DUOX1: variants seen among roughly 807,000 people sequenced by gnomAD.
DUOX1 encodes the protein NADPH thyroid oxidase 1.
A neutral mutation model predicts 181.8 loss-of-function variants in DUOX1; 134 were observed. The observed-to-expected ratio is 0.74, with a 90% CI of 0.64 to 0.85. DUOX1 has a LOEUF of 0.85. Ranked by LOEUF, DUOX1 falls within the 40% of genes least tolerant of loss-of-function variation. The pLI is 0.00. For synonymous variants in DUOX1, 798 were observed against 832.5 expected (o/e 0.96, Z 0.71); for missense variants, 1,814 against 2,064.4 (o/e 0.88, Z 2.35).
intron 28 of DUOX1, among the ~76,000 whole-genome samples, chr15:45,159,156 A>G (rs1385506055): frequency 2.0e-5 from 3 of 152,348 alleles, no homozygotes; most frequent in African/African-American, 4.8e-5. Flanking sequence ...GCAGATGGCC[A>G]TAGGGCATTA....
rs1195503804 is a variant in DUOX1 at position 45,136,333 on chromosome 15, C to G, written c.865-17C>G. On this transcript the variant is annotated splice_polypyrimidine_tract_variant and intron_variant, in intron 7 of 33. Transcript: ENST00000389037. ...CCATCCAACTCGTGCCTCCCCTCGC[C>G]CCTCTCTGCCCCTCAGAACATCGCT... 6.2e-7 allele frequency: 1 copy of G among 1,613,108 alleles called. No individual in the cohort carries two copies. Among genetic ancestry groups the G allele is most frequent in the Admixed American group, 1.7e-5 (1 of 60,022 alleles).
At chr15:45,132,408 G>A (rs1394690027) in intron 2 of DUOX1, among the ~76,000 whole-genome samples, 1 of 152,202 alleles carries the variant, frequency 6.6e-6, no homozygotes, top group Non-Finnish European at 1.5e-5. Flanking sequence ...TGGACCCAAA[G>A]CTGAAGGGGA....
At chr15:45,142,793 G>GAAGGAAGGA (rs1896540354) in intron 15 of DUOX1, among the ~76,000 whole-genome samples, 2 of 143,844 alleles carry the variant, frequency 1.4e-5, no homozygotes, top group Non-Finnish European at 3.0e-5. Flanking sequence ...GGAAGGGAGG[G>GAAGGAAGGA]AGGAAGGGAG....
intron 12 of DUOX1, chr15:45,140,131 G>T: frequency 9.5e-7 from 1 of 1,049,492 alleles, no homozygotes; most frequent in Non-Finnish European, 1.4e-6. Context: ...GCTGAACAGG[G>T]GTCCTGTTCA....
intron 23 of DUOX1, 64 bp from the exon 24 acceptor site, chr15:45,151,810 G>T: frequency 6.5e-7 from 1 of 1,540,518 alleles, no homozygotes; most frequent in Non-Finnish European, 8.8e-7. Flanking sequence ...CCTCCGTGAA[G>T]TGGGGCCCCA....
chr15:45,164,418 G>C (rs969058590), intron 33 of DUOX1, among the ~76,000 whole-genome samples: 3 of 151,126 alleles, frequency 2.0e-5, no homozygotes, highest in Non-Finnish European at 2.9e-5. Context: ...CACTGAGCCA[G>C]CCCTCACCAT....
chr15:45,134,797 C>T (rs1290653186), intron 4 of DUOX1, among the ~76,000 whole-genome samples: 1 of 152,126 alleles, frequency 6.6e-6, no homozygotes, highest in African/African-American at 2.4e-5. Context: ...ATCAGGAATG[C>T]CTGGCTCCTG....
At chr15:45,147,683 G>A (rs1399319547) in intron 19 of DUOX1, 25 bp downstream of exon 19, 2 of 1,613,330 alleles carry the variant, frequency 1.2e-6, no homozygotes, top group African/African-American at 1.3e-5. Context: ...AATGATAGGA[G>A]AGGCTGGACA....
At position 45,131,977 on chromosome 15, in the gene DUOX1, G is replaced by A; in HGVS notation, c.11G>A (p.Cys4Tyr). 1 of 1,614,068 alleles carries A rather than the reference G, an allele frequency of 6.2e-7. No homozygotes were observed. The highest frequency in any genetic ancestry group is 8.5e-7 in the Non-Finnish European group (1 of 1,179,990). Residue 4 changes from cysteine (C) to tyrosine (Y), a missense_variant, in exon 2 of 34, where the codon TGC (cysteine) becomes TAC (tyrosine). Transcript: ENST00000389037. MGF[C>Y]LALAWTLLVG... Reference sequence around the variant, plus strand: ...CCTATTATTTTCATCATGGGCTTCTGCCTGGCTCTAGCATGGACACTTCTG... The same window carrying A: ...CCTATTATTTTCATCATGGGCTTCTACCTGGCTCTAGCATGGACACTTCTG...
chr15:45,138,817 C>T (rs1896408664), intron 10 of DUOX1: 4 of 486,768 alleles, frequency 8.2e-6, no homozygotes, highest in Non-Finnish European at 1.4e-5. Flanking sequence ...TCAAGTATCC[C>T]AAGGTCAAAG....
intron 4 of DUOX1, 138 bp downstream of exon 4, chr15:45,134,447 T>C: frequency 1.1e-6 from 1 of 910,632 alleles, no homozygotes; most frequent in African/African-American, 1.7e-5. Context: ...GGCAGTGGGG[T>C]ATGGTAGGGG....
intron 28 of DUOX1, among the ~76,000 whole-genome samples, chr15:45,160,464 C>G (rs948381447): frequency 6.6e-6 from 1 of 152,136 alleles, no homozygotes; most frequent in South Asian, 2.1e-4. Context: ...GCTTTTAAAG[C>G]TGGGGATGAA....
At position 45,144,996 on chromosome 15, in the gene DUOX1, G is replaced by A. The variant is rs183042987; in HGVS notation, c.2238G>A (p.Arg746=). The A allele has an allele frequency of 2.5e-4, 406 of 1,614,164 alleles. 5 individuals are homozygous for A. The East Asian group carries it at 8.9e-3, about 35-fold the overall frequency. ...TGAGCATCCAGGAGTGGGAGCTGCG[G>A]GAGCAGGAGCTGATGAGAGCAGCTG... is the stretch of plus-strand genomic sequence containing the variant. ...SGLSIQEWEL[R]EQELMRAAVT... The change falls in exon 18 of 34, where the codon CGG becomes CGA. Residue 746 remains arginine (R), a synonymous_variant. Coordinates refer to ENST00000389037, the MANE Select transcript of DUOX1 (RefSeq NM_175940.3).
At chr15:45,158,311 G>A (rs1423723504) in intron 28 of DUOX1, among the ~76,000 whole-genome samples, 1 of 152,230 alleles carries the variant, frequency 6.6e-6, no homozygotes, top group African/African-American at 2.4e-5. Context: ...TCAAAGAAGA[G>A]CTCAGAGAGG....
Position 45,136,633 on chromosome 15 carries a change from AG to A in DUOX1, c.1022+12del, listed in dbSNP as rs769765704. On this transcript the variant is annotated intron_variant, in intron 9 of 33. Coordinates refer to ENST00000389037, the MANE Select transcript of DUOX1 (RefSeq NM_175940.3). ...CCCTGGCGTCTACATGAGGTGAGGGAGGGGCTCAAAGGTGTGTGTGCTGGGA... is the reference window on the plus strand; with the variant it reads ...CCCTGGCGTCTACATGAGGTGAGGGAGGGCTCAAAGGTGTGTGTGCTGGGA... The A allele has an allele frequency of 2.9e-5, 47 of 1,613,344 alleles. No homozygotes were observed. Among genetic ancestry groups the A allele is most frequent in the Non-Finnish European group, 3.8e-5 (45 of 1,179,700 alleles).
At chr15:45,139,340 C>T in intron 11 of DUOX1, 87 bp from the exon 12 acceptor site, 1 of 1,589,738 alleles carries the variant, frequency 6.3e-7, no homozygotes, top group East Asian at 2.2e-5. Flanking sequence ...CTCAAGTCTC[C>T]TGGGGCTGGT....
chr15:45,160,129 G>A (rs1258824780), intron 28 of DUOX1, among the ~76,000 whole-genome samples: 1 of 152,170 alleles, frequency 6.6e-6, no homozygotes, highest in African/African-American at 2.4e-5. Context: ...TCCAGCCTGG[G>A]TGACAGAATG....
At position 45,133,936 on chromosome 15, in the gene DUOX1, G is replaced by A; in HGVS notation, c.131G>A (p.Trp44Ter). 7 of 1,613,928 alleles carry A rather than the reference G, an allele frequency of 4.3e-6. No homozygotes were observed. Among genetic ancestry groups the A allele is most frequent in the Non-Finnish European group, 5.1e-6 (6 of 1,179,916 alleles). ...TACAACAACCTCATGGAGCACAGAT[G>A]GGGCAGCAAAGGTAAGTGAGAGCCA... Reference protein sequence around the residue: ...GWYNNLMEHRWGSKGSRLQRL... With the variant: ...GWYNNLMEHR The change falls in exon 3 of 34, where the codon TGG (tryptophan) becomes TAG (stop). Residue 44 changes from tryptophan to a stop codon, truncating the protein, a stop_gained. Coordinates refer to ENST00000389037, the MANE Select transcript of DUOX1 (RefSeq NM_175940.3). LOFTEE classifies it high-confidence loss of function.
rs1778222823 is a variant in DUOX1 at position 45,152,389 on chromosome 15, C to T, written c.3297C>T (p.Tyr1099=). Residue 1099 remains tyrosine (Y), a synonymous_variant, in exon 25 of 34, where the codon TAC becomes TAT. Transcript: ENST00000389037. ...TAASISFMFS[Y]ILLTMCRNLI... ...CCAGCATCTCTTTCATGTTCTCCTACATCTTGCTCACCATGTGCCGCAACC... is the reference window on the plus strand; with the variant it reads ...CCAGCATCTCTTTCATGTTCTCCTATATCTTGCTCACCATGTGCCGCAACC... 3 of 1,614,116 alleles carry T rather than the reference C, an allele frequency of 1.9e-6. No individual in the cohort carries two copies. The highest frequency in any genetic ancestry group is 2.5e-6 in the Non-Finnish European group (3 of 1,180,056).
Sources: gnomAD v4.1 joint callset for allele counts (sites outside exome capture counted in the v4.1 genomes callset) on GRCh38, gnomAD v4.1.1 for gene constraint, MANE v1.5 for transcripts, NCBI Gene and HGNC (gene_info 2026-07-23, HGNC 2026-07-21) for gene names.